TET1: variants seen among roughly 807,000 people sequenced by gnomAD.
TET1 encodes the protein tet methylcytosine dioxygenase 1.
In TET1, 13 loss-of-function variants were observed where a neutral mutation model predicts 148.7. That is an observed-to-expected ratio of 0.09 (90% CI 0.06 to 0.14). TET1 has a LOEUF of 0.14. TET1 is among the 10% of genes least tolerant of loss of function. TET1 has a pLI of 1.00. For synonymous variants in TET1, 907 were observed against 937.2 expected (o/e 0.97, Z 0.59); for missense variants, 2,182 against 2,553.8 (o/e 0.85, Z 3.14).
At position 68,690,958 on chromosome 10, in the gene TET1, C is replaced by G; in HGVS notation, c.5555C>G (p.Pro1852Arg). Residue 1852 changes from proline (P) to arginine (R), a missense_variant, in exon 12 of 12, where the codon CCG (proline) becomes CGG (arginine). Pro to Arg is a moderately radical substitution (Grantham distance 103). Coordinates refer to ENST00000373644, the MANE Select transcript of TET1 (RefSeq NM_030625.3). ...GCATCTCCAGGCTTCTCCTGGTCCC[C>G]GAAGACTGCTTCAGCCACACCAGCT... ...KEASPGFSWS[P>R]KTASATPAPL... is the part of the protein sequence containing the mutation. The G allele has an allele frequency of 1.9e-6, 3 of 1,614,224 alleles. No homozygotes were observed. The highest frequency in any genetic ancestry group is 2.5e-6 in the Non-Finnish European group (3 of 1,180,040).
chr10:68,678,040 C>T (rs989109952), intron 8 of TET1, among the ~76,000 whole-genome samples: 2 of 152,198 alleles, frequency 1.3e-5, no homozygotes, highest in African/African-American at 2.4e-5. Flanking sequence ...GGATTACAGG[C>T]GTGAGCCACC....
chr10:68,624,663 TCTCTCTCTCTC>T (rs775639328), intron 3 of TET1, among the ~76,000 whole-genome samples: 1,678 of 95,514 alleles, frequency 0.018, 35 homozygotes, highest in East Asian at 0.029. Flanking sequence ...TTTCTTTCTC[TCTCTCTCTCTC>T]TCTCTCTCTC....
At chr10:68,631,845 C>T (rs1472486545) in intron 3 of TET1, among the ~76,000 whole-genome samples, 3 of 151,890 alleles carry the variant, frequency 2.0e-5, no homozygotes, top group African/African-American at 7.3e-5. Context: ...ACTAGAGACC[C>T]AAGACCACAG....
intron 8 of TET1, among the ~76,000 whole-genome samples, chr10:68,680,880 C>A (rs1035666605): frequency 1.3e-5 from 2 of 152,266 alleles, no homozygotes; most frequent in East Asian, 1.9e-4. Flanking sequence ...AGAGATCATG[C>A]GTAATATTCC....
At chr10:68,594,065 AC>A (rs2053951231) in intron 2 of TET1, among the ~76,000 whole-genome samples, 1 of 151,360 alleles carries the variant, frequency 6.6e-6, no homozygotes, top group South Asian at 2.1e-4. Context: ...AGCTGGGACT[AC>A]AGGCATGCGC....
intron 2 of TET1, among the ~76,000 whole-genome samples, chr10:68,595,919 C>CATATATATATATATATATATAT (rs374124558): frequency 8.7e-5 from 3 of 34,508 alleles, no homozygotes; most frequent in African/African-American, 1.0e-4. Context: ...CCAGCCAAAA[C>CATATATATATATATATATATAT]ATATATATAT....
chr10:68,636,734 G>T (rs1031129304), intron 3 of TET1, among the ~76,000 whole-genome samples: 9 of 152,118 alleles, frequency 5.9e-5, no homozygotes, highest in Non-Finnish European at 1.3e-4. Context: ...CTCCCATCCA[G>T]CCTAGATATG....
At position 68,568,217 on chromosome 10, in the gene TET1, CTTTTTTTTTTT is replaced by C. The variant is rs566751115; in HGVS notation, c.-122-3988_-122-3978del. On this transcript the variant is annotated intron_variant, in intron 1 of 11. Coordinates refer to ENST00000373644, the MANE Select transcript of TET1 (RefSeq NM_030625.3). Reference sequence around the variant, plus strand: ...ACAGGTGTGAGCCACCGCGCCCAGTCTTTTTTTTTTTTTTTTTTTTTTGAGATGGCATTTCA... The same window carrying C: ...ACAGGTGTGAGCCACCGCGCCCAGTCTTTTTTTTTTTGAGATGGCATTTCA... 5.4e-3 allele frequency among the ~76,000 whole-genome samples: 509 copies of C among 93,808 alleles called. 2 individuals carry two copies. Among genetic ancestry groups the C allele is most frequent in the African/African-American group, 0.021 (495 of 24,126 alleles). The allele number at this position is 93,808 out of a possible 152,430, so 61.5% of individuals were successfully genotyped here. A position where few individuals can be genotyped will look rare whatever the true frequency, so the allele number is the denominator to read the frequency against.
At position 68,572,550 on chromosome 10, in the gene TET1, G is replaced by A; in HGVS notation, c.212G>A (p.Arg71Lys). The change falls in exon 2 of 12, where the codon AGA becomes AAA. Residue 71 changes from arginine to lysine, a missense_variant. Arg to Lys is a conservative substitution (Grantham distance 26). Around this residue, in one of 11 missense-constraint regions of TET1, gnomAD observed 665 missense variants for 672.4 expected, o/e 0.99. Transcript: ENST00000373644. ...GAACCTAAACCACCCGTGCCAGTCA[G>A]AAGCCTTCTGACAAGAGCTGGAGCA... ...KTEPKPPVPVRSLLTRAGAAR... is the reference protein window; with the variant it reads ...KTEPKPPVPVKSLLTRAGAAR... 1.2e-6 allele frequency: 2 copies of A among 1,614,090 alleles called. No individual in the cohort carries two copies. The highest frequency in any genetic ancestry group is 1.7e-6 in the Non-Finnish European group (2 of 1,180,014).
intron 1 of TET1, among the ~76,000 whole-genome samples, chr10:68,563,881 T>C (rs1414818990): frequency 6.6e-6 from 1 of 152,022 alleles, no homozygotes; most frequent in Non-Finnish European, 1.5e-5. Context: ...GGGGTTTTAC[T>C]ATATTGGCCA....
intron 2 of TET1, among the ~76,000 whole-genome samples, chr10:68,598,402 A>G (rs1411302707): frequency 6.6e-6 from 1 of 152,260 alleles, no homozygotes; most frequent in East Asian, 1.9e-4. Flanking sequence ...AATAGTTAAA[A>G]TGATAAATTT....
chr10:68,573,282 T>C lies in TET1; in HGVS notation c.944T>C (p.Leu315Ser). The C allele has an allele frequency of 6.2e-7, 1 of 1,614,108 alleles. No homozygotes were observed. Among genetic ancestry groups the C allele is most frequent in the Non-Finnish European group, 8.5e-7 (1 of 1,180,028 alleles). ...CCTGACTTGAACCTTAGAAACTGCT[T>C]GGCTCTTGGTGGGTCTACGTCTCCT... ...VIPDLNLRNC[L>S]ALGGSTSPTS... The change falls in exon 2 of 12, where the codon TTG becomes TCG. Residue 315 changes from leucine to serine, a missense_variant. Coordinates refer to ENST00000373644, the MANE Select transcript of TET1 (RefSeq NM_030625.3).
intron 3 of TET1, among the ~76,000 whole-genome samples, chr10:68,611,862 GAGA>G: frequency 1.1e-5 from 1 of 88,920 alleles, no homozygotes; most frequent in Non-Finnish European, 2.5e-5. Flanking sequence ...GGGAGAGAGG[GAGA>G]GAGAGAGAGA....
At chr10:68,690,107 C>T (rs917126289) in intron 11 of TET1, among the ~76,000 whole-genome samples, 3 of 152,102 alleles carry the variant, frequency 2.0e-5, no homozygotes, top group Non-Finnish European at 2.9e-5. Context: ...ATGCCTAAAA[C>T]GTATCTAAAT....
At chr10:68,617,352 G>A (rs1473489711) in intron 3 of TET1, among the ~76,000 whole-genome samples, 2 of 151,242 alleles carry the variant, frequency 1.3e-5, no homozygotes, top group East Asian at 3.9e-4. Context: ...CAGACATGGA[G>A]TCTTGTTACA....
At chr10:68,686,841 C>T in intron 11 of TET1, 134 bp downstream of exon 11, 1 of 809,408 alleles carries the variant, frequency 1.2e-6, no homozygotes, top group Non-Finnish European at 1.9e-6. Context: ...AACCAAAAGT[C>T]AACAAAAAAG....
At chr10:68,676,928 A>G (rs2055370205) in intron 8 of TET1, among the ~76,000 whole-genome samples, 1 of 152,232 alleles carries the variant, frequency 6.6e-6, no homozygotes. Context: ...TTAAAATTAC[A>G]ACAGGAGATG....
chr10:68,692,503 A>G lies in TET1; in HGVS notation c.*689A>G, dbSNP rs41278520. 6,143 of 232,254 alleles carry G rather than the reference A, an allele frequency of 0.026. 109 individuals are homozygous for G. The highest frequency in any genetic ancestry group is 0.043 in the Middle Eastern group (33 of 770). The allele number at this position is 232,254 out of a possible 1,614,324, so 14.4% of individuals were successfully genotyped here. A position where few individuals can be genotyped will look rare whatever the true frequency, so the allele number is the denominator to read the frequency against. On this transcript the variant is annotated 3_prime_UTR_variant, in exon 12 of 12. Coordinates refer to ENST00000373644, the MANE Select transcript of TET1 (RefSeq NM_030625.3). ...GAATCCTATTGTCTATTGTTTGTGC[A>G]TATTTGCATACAAGAGAAATCATTT...
chr10:68,576,604 G>A (rs1005290607), intron 2 of TET1, among the ~76,000 whole-genome samples: 1 of 152,198 alleles, frequency 6.6e-6, no homozygotes, highest in African/African-American at 2.4e-5. Context: ...CAAGGCTGCA[G>A]TGAACAGTGA....
Sources: allele counts gnomAD v4.1 joint callset (sites outside exome capture counted in the v4.1 genomes callset), GRCh38; gene constraint gnomAD v4.1.1; regional missense constraint gnomAD v4.1.1; transcripts MANE v1.5; gene names NCBI Gene and HGNC (gene_info 2026-07-23, HGNC 2026-07-21).